The following EEPD1 variants were observed in gnomAD, a reference collection of about 807,000 sequenced individuals.
The protein encoded by EEPD1 is endonuclease/exonuclease/phosphatase family domain containing 1, also known as endonuclease/exonuclease/phosphatase family domain-containing protein 1.
Under a neutral mutation model 46.3 loss-of-function variants are expected in EEPD1, and 17 were observed. That is an observed-to-expected ratio of 0.37 (90% confidence interval 0.25 to 0.55). The LOEUF is 0.55. EEPD1 is among the 20% of genes least tolerant of loss of function. The probability of loss-of-function intolerance (pLI) is 0.83; values close to 1 mark genes in which losing one functional copy is unlikely to be tolerated. For synonymous variants in EEPD1, 313 were observed against 315.6 expected (o/e 0.99, Z 0.09); for missense variants, 673 against 745.6 (o/e 0.90, Z 1.13).
chr7:36,176,621 C>T (rs1785184923), intron 2 of EEPD1, among the ~76,000 whole-genome samples: 1 of 152,062 alleles, frequency 6.6e-6, no homozygotes, highest in South Asian at 2.1e-4. Context: ...AGTAATGACT[C>T]CATAAAACAA....
chr7:36,155,691 A>G (rs1784814714), intron 2 of EEPD1, among the ~76,000 whole-genome samples: 1 of 152,236 alleles, frequency 6.6e-6, no homozygotes, highest in Non-Finnish European at 1.5e-5. Context: ...ATTTACCAAA[A>G]TGCTATGAAT....
chr7:36,284,848 G>C, intron 5 of EEPD1, 28 bp downstream of exon 5: 8 of 1,435,430 alleles, frequency 5.6e-6, no homozygotes, highest in Non-Finnish European at 7.3e-6. Flanking sequence ...TCTGTGACGT[G>C]GAATCTGCTT....
Position 36,261,212 on chromosome 7 carries a change from A to G in EEPD1, c.931-19903A>G, listed in dbSNP as rs6976952. On this transcript the variant is annotated intron_variant, in intron 3 of 7. Coordinates refer to ENST00000242108, the MANE Select transcript of EEPD1 (RefSeq NM_030636.3). ...AATAGAATATACCAGGTTCCCATAT[A>G]AAGATTTATTTGTTGCTATGAGTCA... Among the ~76,000 whole-genome samples, 1,049 of 152,290 alleles carry G rather than the reference A, an allele frequency of 6.9e-3. 15 individuals are homozygous for G. The highest frequency in any genetic ancestry group is 0.024 in the African/African-American group (1,000 of 41,552).
At chr7:36,173,918 G>A (rs1785131847) in intron 2 of EEPD1, among the ~76,000 whole-genome samples, 1 of 152,210 alleles carries the variant, frequency 6.6e-6, no homozygotes, top group Non-Finnish European at 1.5e-5. Flanking sequence ...AGCATCCTTT[G>A]CAGCTAGGGT....
Position 36,284,828 on chromosome 7 carries a change from C to T in EEPD1, c.1176+8C>T, listed in dbSNP as rs1308626735. ...TACCTCGGGAGGTTCAAGGTACCCG[C>T]TCCACGCCGTCTGTGACGTGGAATC... On this transcript the variant is annotated splice_region_variant and intron_variant, in intron 5 of 7. Transcript: ENST00000242108. 7 of 1,468,636 alleles carry T rather than the reference C, an allele frequency of 4.8e-6. No individual in the cohort carries two copies. The highest frequency in any genetic ancestry group is 6.3e-6 in the Non-Finnish European group (7 of 1,106,224). 91.0% of individuals were successfully genotyped at this position (1,468,636 alleles called of 1,614,324 possible).
chr7:36,248,459 G>A (rs1171265860), intron 3 of EEPD1, among the ~76,000 whole-genome samples: 1 of 150,150 alleles, frequency 6.7e-6, no homozygotes, highest in Non-Finnish European at 1.5e-5. Context: ...TGCCCACCTC[G>A]GCCTCCCAAA....
At chr7:36,277,962 T>A (rs1787206365) in intron 3 of EEPD1, among the ~76,000 whole-genome samples, 1 of 152,190 alleles carries the variant, frequency 6.6e-6, no homozygotes, top group African/African-American at 2.4e-5. Flanking sequence ...GAAAAGTTTT[T>A]AAATATTAAT....
chr7:36,293,510 T>C (rs1298451666), intron 6 of EEPD1, among the ~76,000 whole-genome samples: 3 of 152,106 alleles, frequency 2.0e-5, no homozygotes, highest in Non-Finnish European at 4.4e-5. Flanking sequence ...ACTCAAGCAT[T>C]AATATTTTTA....
Position 36,190,898 on chromosome 7 carries a change from A to T in EEPD1, c.878+35696A>T, listed in dbSNP as rs377420591. The stretch of plus-strand genomic sequence containing the variant: ...CAGGACAGGCTCAGGCATGACTTGC[A>T]GCCAGCACCCCCGGAATGCCCGGCC... On this transcript the variant is annotated intron_variant, in intron 2 of 7. Transcript: ENST00000242108. 3.2e-4 allele frequency among the ~76,000 whole-genome samples: 49 copies of T among 152,340 alleles called. No individual in the cohort carries two copies. The East Asian group carries it at 4.1e-3, about 13-fold the overall frequency.
chr7:36,220,870 G>T (rs1277115595), intron 2 of EEPD1, among the ~76,000 whole-genome samples: 2 of 152,118 alleles, frequency 1.3e-5, no homozygotes, highest in Non-Finnish European at 2.9e-5. Flanking sequence ...TGCAATCTCG[G>T]CTCACTGCAA....
At chr7:36,236,369 C>G (rs1461688352) in intron 2 of EEPD1, among the ~76,000 whole-genome samples, 1 of 152,226 alleles carries the variant, frequency 6.6e-6, no homozygotes, top group Non-Finnish European at 1.5e-5. Flanking sequence ...CCGCACTAGG[C>G]GCCGCCGGCC....
intron 3 of EEPD1, among the ~76,000 whole-genome samples, chr7:36,278,100 T>C (rs888411156): frequency 6.6e-5 from 10 of 152,148 alleles, no homozygotes; most frequent in African/African-American, 2.4e-4. Flanking sequence ...TTTAGTTAAG[T>C]AGGTCAGGGG....
intron 2 of EEPD1, among the ~76,000 whole-genome samples, chr7:36,197,100 C>T (rs6946048): frequency 0.071 from 10,392 of 146,382 alleles, 570 homozygotes; most frequent in African/African-American, 0.14. Context: ...TCTGCCCGGC[C>T]GCCCCATCTG....
At chr7:36,188,321 C>A (rs1251295692) in intron 2 of EEPD1, among the ~76,000 whole-genome samples, 1 of 151,990 alleles carries the variant, frequency 6.6e-6, no homozygotes, top group Non-Finnish European at 1.5e-5. Flanking sequence ...GATGATGAAG[C>A]CAGAAATGGG....
chr7:36,171,631 T>C (rs1420392003), intron 2 of EEPD1, among the ~76,000 whole-genome samples: 5 of 152,230 alleles, frequency 3.3e-5, no homozygotes, highest in Non-Finnish European at 7.3e-5. Flanking sequence ...GTGTGTGAAT[T>C]ATAAATATAC....
intron 2 of EEPD1, among the ~76,000 whole-genome samples, chr7:36,219,802 A>T (rs62445440): frequency 0.25 from 16,647 of 65,582 alleles, 1,076 homozygotes; most frequent in Non-Finnish European, 0.33. Flanking sequence ...AGAGAGAGAG[A>T]GAGAGTGTGT....
intron 2 of EEPD1, among the ~76,000 whole-genome samples, chr7:36,238,721 G>A (rs1161047642): frequency 6.6e-6 from 1 of 152,134 alleles, no homozygotes; most frequent in East Asian, 1.9e-4. Context: ...TTACCTATTC[G>A]AGTTCCTGCT....
At chr7:36,222,537 G>A (rs1446083371) in intron 2 of EEPD1, among the ~76,000 whole-genome samples, 1 of 152,118 alleles carries the variant, frequency 6.6e-6, no homozygotes, top group Non-Finnish European at 1.5e-5. Flanking sequence ...ATAATTATGT[G>A]ATAATTATAT....
At chr7:36,277,610 C>T (rs1191508538) in intron 3 of EEPD1, among the ~76,000 whole-genome samples, 3 of 152,156 alleles carry the variant, frequency 2.0e-5, no homozygotes, top group Non-Finnish European at 2.9e-5. Context: ...GTGCTCACCT[C>T]CTTAGGTTTT....
Sources: gnomAD v4.1 joint callset for allele counts (sites outside exome capture counted in the v4.1 genomes callset) on GRCh38, gnomAD v4.1.1 for gene constraint, MANE v1.5 for transcripts, NCBI Gene and HGNC (gene_info 2026-07-23, HGNC 2026-07-21) for gene names.